TAFAZZIN: variants seen among roughly 807,000 people sequenced by gnomAD.
TAFAZZIN encodes the protein tafazzin, phospholipid-lysophospholipid transacylase, also known as protein G4.5.
In TAFAZZIN, 6 loss-of-function variants were observed where a neutral mutation model predicts 27.3. The observed-to-expected ratio is 0.22, with a 90% CI of 0.12 to 0.43. The LOEUF is 0.43. TAFAZZIN is among the 20% of genes least tolerant of loss of function. The pLI, the probability that TAFAZZIN is intolerant of heterozygous loss-of-function variation, is 1.00. For missense variants in TAFAZZIN, 127 were observed against 244.5 expected (o/e 0.52, Z 3.21); for synonymous variants, 79 against 96.2 (o/e 0.82, Z 1.04).
At chrX:154,419,300 G>C in intron 5 of TAFAZZIN, 2 of 435,831 alleles carry the variant, frequency 4.6e-6, no homozygotes, top group Non-Finnish European at 8.0e-6. Context: ...GTGCCCAAGT[G>C]CCATGCAGGC....
Position 154,413,157 on chromosome X carries a change from C to T in TAFAZZIN, c.239-50C>T, listed in dbSNP as rs782667303. 3.3e-6 allele frequency: 4 copies of T among 1,207,531 alleles called. No homozygotes were observed. In the Admixed American group the frequency reaches 8.7e-5, roughly 26 times the overall value. On this transcript the variant is annotated intron_variant, in intron 2 of 10. Coordinates refer to ENST00000601016, the MANE Select transcript of TAFAZZIN (RefSeq NM_000116.5). ...CCTGAGATGGGGTGAAGGAAGGGCA[C>T]TCCCTGGGGATATGGGAAGTTGGGG...
At chrX:154,418,134 G>A (rs1410103361) in intron 5 of TAFAZZIN, among the ~76,000 whole-genome samples, 2 of 111,520 alleles carry the variant, frequency 1.8e-5, no homozygotes, top group African/African-American at 6.5e-5. Context: ...GATAGGTTGC[G>A]TCAGTGGGTT....
At position 154,419,647 on chromosome X, in the gene TAFAZZIN, GC is replaced by G. The variant is rs782483357; in HGVS notation, c.541+31del. 9.1e-6 allele frequency: 11 copies of G among 1,211,321 alleles called. No individual in the cohort carries two copies. The East Asian group carries it at 1.8e-4, about 20-fold the overall frequency. ...AGGTCAGCAGGGCTGACTGGGTCGA[GC>G]CCCCCCAGTATGAGCGGGATGGGCT... On this transcript the variant is annotated intron_variant, in intron 6 of 10. Coordinates refer to ENST00000601016, the MANE Select transcript of TAFAZZIN (RefSeq NM_000116.5).
In TAFAZZIN at chrX:154,411,780, G is replaced by A; in HGVS notation, c.-64G>A. 2 of 1,054,875 alleles carry A rather than the reference G, an allele frequency of 1.9e-6. No homozygotes were observed. Among genetic ancestry groups the A allele is most frequent in the East Asian group, 3.3e-5 (1 of 30,104 alleles). The allele number at this position is 1,054,875 out of a possible 1,213,427, so 86.9% of individuals were successfully genotyped here. On this transcript the variant is annotated 5_prime_UTR_variant, in exon 1 of 11. Coordinates refer to ENST00000601016, the MANE Select transcript of TAFAZZIN (RefSeq NM_000116.5). ...AGTGTCTCGAGCGGTCGAGGTCGCA[G>A]ACCTAGAGGCGCCCCACAGGCCGGC...
intron 5 of TAFAZZIN, among the ~76,000 whole-genome samples, chrX:154,417,108 C>G (rs2068512185): frequency 9.3e-6 from 1 of 108,017 alleles, no homozygotes; most frequent in South Asian, 4.1e-4. Context: ...GCACTCCAGC[C>G]TGGGCGACAG....
intron 5 of TAFAZZIN, among the ~76,000 whole-genome samples, chrX:154,416,898 G>A (rs2068505359): frequency 9.0e-6 from 1 of 111,463 alleles, no homozygotes; most frequent in Non-Finnish European, 1.9e-5. Flanking sequence ...CACTTTGGGA[G>A]GCCGAGGCGG....
chrX:154,413,201 C>T lies in TAFAZZIN; in HGVS notation c.239-6C>T, dbSNP rs1557191561. ...GTTGGGGCATGAAGCCTTTCCTGTCCTCTAGGGATCCTGAAACTCCGCCAC... is the reference window on the plus strand; with the variant it reads ...GTTGGGGCATGAAGCCTTTCCTGTCTTCTAGGGATCCTGAAACTCCGCCAC... On this transcript the variant is annotated splice_region_variant and splice_polypyrimidine_tract_variant and intron_variant, in intron 2 of 10. Coordinates refer to ENST00000601016, the MANE Select transcript of TAFAZZIN (RefSeq NM_000116.5). 4.1e-6 allele frequency: 5 copies of T among 1,212,126 alleles called. No individual in the cohort carries two copies. The highest frequency in any genetic ancestry group is 5.6e-6 in the Non-Finnish European group (5 of 895,543).
At chrX:154,420,129 T>C in intron 8 of TAFAZZIN, 35 bp downstream of exon 8, 1 of 1,208,424 alleles carries the variant, frequency 8.3e-7, no homozygotes. Context: ...AGATGGCATC[T>C]GGGGTGGGGG....
chrX:154,416,115 C>T (rs1361355932), intron 5 of TAFAZZIN, among the ~76,000 whole-genome samples: 3 of 105,367 alleles, frequency 2.8e-5, no homozygotes, highest in African/African-American at 1.0e-4. Context: ...AAAAATTAGC[C>T]GAGGCTGGGC....
chrX:154,417,840 A>G (rs1327330672), intron 5 of TAFAZZIN, among the ~76,000 whole-genome samples: 1 of 111,684 alleles, frequency 9.0e-6, no homozygotes, highest in Non-Finnish European at 1.9e-5. Context: ...AGAGATGGGG[A>G]CTCTGCTGAT....
intron 7 of TAFAZZIN, 73 bp from the exon 8 acceptor site, chrX:154,419,959 T>C: frequency 8.5e-7 from 1 of 1,176,508 alleles, no homozygotes; most frequent in African/African-American, 1.7e-5. Flanking sequence ...GGGGTGGCAG[T>C]GGCCAGAGGC....
intron 1 of TAFAZZIN, 67 bp downstream of exon 1, chrX:154,412,019 G>C (rs2068318449): frequency 8.3e-7 from 1 of 1,203,456 alleles, no homozygotes; most frequent in Admixed American, 2.2e-5. Context: ...GGGACTTAGG[G>C]TGGGGGACGC....
At chrX:154,420,538 G>T in intron 9 of TAFAZZIN, 120 bp from the exon 10 acceptor site, 1 of 838,509 alleles carries the variant, frequency 1.2e-6, no homozygotes, top group East Asian at 3.2e-5. Flanking sequence ...GAGGAAGAGT[G>T]GCCCCTGGGG....
intron 4 of TAFAZZIN, 140 bp downstream of exon 4, chrX:154,413,707 G>T: frequency 1.8e-6 from 1 of 559,989 alleles, no homozygotes. Context: ...CATGCCAGCA[G>T]AGGGGACAGA....
rs984997023 is a variant in TAFAZZIN, at chrX:154,413,218, C to T, written c.250C>T (p.Leu84Phe). The T allele has an allele frequency of 7.4e-6, 9 of 1,210,675 alleles. No homozygotes were observed. Among genetic ancestry groups the T allele is most frequent in the Non-Finnish European group, 8.9e-6 (8 of 895,243 alleles). Residue 84 changes from leucine to phenylalanine, a missense_variant, in exon 3 of 11, where the codon CTC (leucine) becomes TTC (phenylalanine). Physicochemically the swap from Leu to Phe is conservative, Grantham distance 22. Coordinates refer to ENST00000601016, the MANE Select transcript of TAFAZZIN (RefSeq NM_000116.5). ...DDPHLWGILK[L>F]RHIWNLKLMR... Reference sequence around the variant, plus strand: ...TTCCTGTCCTCTAGGGATCCTGAAACTCCGCCACATCTGGAACCTGAAGTT... The same window carrying T: ...TTCCTGTCCTCTAGGGATCCTGAAATTCCGCCACATCTGGAACCTGAAGTT...
rs1296586915 is a variant in TAFAZZIN, at chrX:154,412,857, A to T, written c.239-350A>T. 3 of 328,450 alleles carry T rather than the reference A, an allele frequency of 9.1e-6. No individual in the cohort carries two copies. In the Admixed American group the frequency reaches 1.4e-4, roughly 15 times the overall value. The allele number at this position is 328,450 out of a possible 1,213,427, so 27.1% of individuals were successfully genotyped here. On this transcript the variant is annotated intron_variant, in intron 2 of 10. Transcript: ENST00000601016. ...CTGCTGGGTGGAGAAAGGCCTATAG[A>T]TGTCACAGGTGGATCCTGGGAGGCC...
intron 5 of TAFAZZIN, among the ~76,000 whole-genome samples, chrX:154,415,229 G>A (rs2068450193): frequency 9.2e-6 from 1 of 109,181 alleles, no homozygotes; most frequent in South Asian, 3.9e-4. Flanking sequence ...GAGCAGCTGG[G>A]ACTAAGGAGT....
chrX:154,414,990 GAAAAAA>G (rs1160162016), intron 5 of TAFAZZIN, among the ~76,000 whole-genome samples: 6 of 72,747 alleles, frequency 8.2e-5, no homozygotes, highest in South Asian at 6.9e-4. Flanking sequence ...ACTCCGTCTG[GAAAAAA>G]AAAAAAAAAA....
At chrX:154,414,989 G>GA (rs2068443129) in intron 5 of TAFAZZIN, among the ~76,000 whole-genome samples, 126 of 91,798 alleles carry the variant, frequency 1.4e-3, no homozygotes, top group African/African-American at 2.1e-3. Flanking sequence ...AACTCCGTCT[G>GA]GAAAAAAAAA....
Sources: gnomAD v4.1 joint callset for allele counts (sites outside exome capture counted in the v4.1 genomes callset) on GRCh38, gnomAD v4.1.1 for gene constraint, MANE v1.5 for transcripts, NCBI Gene and HGNC (gene_info 2026-07-23, HGNC 2026-07-21) for gene names.